The following LCOR variants were observed in gnomAD, a reference collection of about 807,000 sequenced individuals.
The protein encoded by LCOR is ligand dependent nuclear receptor corepressor, also known as ligand-dependent corepressor.
Under a neutral mutation model 64.4 loss-of-function variants are expected in LCOR, and 14 were observed. That is an observed-to-expected ratio of 0.22 (90% confidence interval 0.14 to 0.34). The LOEUF (loss-of-function observed/expected upper bound fraction) is 0.34. Ranked by LOEUF, LCOR falls within the 10% of genes least tolerant of loss-of-function variation. The pLI is 1.00. For synonymous variants in LCOR, 643 were observed against 642.5 expected (o/e 1.00, Z -0.01); for missense variants, 1,686 against 1,765.3 (o/e 0.96, Z 0.80).
At chr10:96,910,191 C>T (rs1469965994) in intron 4 of LCOR, among the ~76,000 whole-genome samples, 4 of 152,078 alleles carry the variant, frequency 2.6e-5, no homozygotes, top group Non-Finnish European at 4.4e-5. Context: ...TGCCACCATA[C>T]CCAGCTTGTG....
chr10:96,876,850 C>T (rs1183964127), intron 2 of LCOR, among the ~76,000 whole-genome samples: 2 of 152,102 alleles, frequency 1.3e-5, no homozygotes, highest in Admixed American at 1.3e-4. Context: ...CCTGTCACCA[C>T]ACCCGGCTAA....
At chr10:96,969,932 A>G (rs1347926662) in intron 7 of LCOR, among the ~76,000 whole-genome samples, 1 of 137,148 alleles carries the variant, frequency 7.3e-6, no homozygotes, top group Non-Finnish European at 1.5e-5. Flanking sequence ...GGCACCCGCC[A>G]TCACACCTGG....
At chr10:96,879,618 C>T (rs895214464) in intron 2 of LCOR, among the ~76,000 whole-genome samples, 11 of 152,268 alleles carry the variant, frequency 7.2e-5, no homozygotes, top group African/African-American at 2.4e-4. Flanking sequence ...TAATGGTTAT[C>T]TAAGTTGGAG....
chr10:96,832,416 ACCGCCGCCGCCCCTCCGGCCGCC>A lies in LCOR; in HGVS notation c.-404+27_-404+49del, dbSNP rs1845351010. ...ACTGTGTAGGTGAGACCCTCCGCCG[ACCGCCGCCGCCCCTCCGGCCGCC>A]CCGCCGCCGGTCGCCCCAGACCAGG... On this transcript the variant is annotated intron_variant, in intron 1 of 7. Coordinates refer to ENST00000421806, the MANE Select transcript of LCOR (RefSeq NM_001346516.2). 6.2e-6 allele frequency: 6 copies of A among 960,962 alleles called. No individual in the cohort carries two copies. The South Asian group carries it at 1.4e-4, about 23-fold the overall frequency. 59.5% of individuals were successfully genotyped at this position (960,962 alleles called of 1,614,324 possible).
intron 2 of LCOR, among the ~76,000 whole-genome samples, chr10:96,865,654 C>T (rs942059892): frequency 6.6e-6 from 1 of 152,084 alleles, no homozygotes; most frequent in Admixed American, 6.6e-5. Flanking sequence ...GTGGGCGGAT[C>T]ACCTGAGGTC....
chr10:96,833,507 C>G (rs1388025846), intron 2 of LCOR, 28 bp downstream of exon 2: 3 of 923,312 alleles, frequency 3.2e-6, no homozygotes, highest in Admixed American at 1.2e-4. Context: ...TGTCTCCGCT[C>G]CGCCCGCCGC....
At chr10:96,917,209 A>G (rs950597135) in intron 4 of LCOR, among the ~76,000 whole-genome samples, 2 of 152,200 alleles carry the variant, frequency 1.3e-5, no homozygotes, top group African/African-American at 4.8e-5. Context: ...GTTCAGTTTT[A>G]TGTGGTCAGA....
intron 2 of LCOR, among the ~76,000 whole-genome samples, chr10:96,889,728 A>G (rs1846407003): frequency 6.6e-6 from 1 of 152,172 alleles, no homozygotes; most frequent in South Asian, 2.1e-4. Context: ...AGTCCTTAAC[A>G]GTTCTTTTTT....
rs1464835712 is a variant in LCOR at position 96,983,856 on chromosome 10, A to C, written c.3396A>C (p.Gly1132=). 65 of 1,614,082 alleles carry C rather than the reference A, an allele frequency of 4.0e-5. No individual in the cohort carries two copies. The highest frequency in any genetic ancestry group is 5.4e-5 in the Non-Finnish European group (64 of 1,180,052). Residue 1132 remains glycine (G), a synonymous_variant, in exon 8 of 8, where the codon GGA becomes GGC. Transcript: ENST00000421806. The surrounding 1 kb of genome is among the most constrained non-coding windows in gnomAD (Gnocchi z 4.5). ...GCTGGATCCAGTTGGAGAAAGAAGG[A>C]CAGCCAACACCAAGAGCAAGGAACA... The part of the protein sequence containing the change: ...QKGWIQLEKE[G]QPTPRARNKS...
At position 96,949,036 on chromosome 10, in the gene LCOR, T is replaced by C. The variant is rs1172184059; in HGVS notation, c.-22T>C. ...GTCCCTGGGTCTCCGACCCCAATAT[T>C]CCCCTAGTGGCCCGTGAGATCATGC... On this transcript the variant is annotated 5_prime_UTR_variant, in exon 6 of 8. Transcript: ENST00000421806. 9.3e-6 allele frequency: 15 copies of C among 1,613,114 alleles called. No individual in the cohort carries two copies. Among genetic ancestry groups the C allele is most frequent in the Non-Finnish European group, 1.3e-5 (15 of 1,179,486 alleles).
intron 4 of LCOR, among the ~76,000 whole-genome samples, chr10:96,924,208 C>T (rs1847128106): frequency 1.3e-5 from 2 of 151,912 alleles, no homozygotes; most frequent in African/African-American, 4.8e-5. Flanking sequence ...TCTTTGTCCA[C>T]CTTACTTTTA....
chr10:96,935,804 AAGCCTGGG>A (rs1554838612), intron 4 of LCOR, among the ~76,000 whole-genome samples: 3 of 152,220 alleles, frequency 2.0e-5, no homozygotes, highest in Non-Finnish European at 4.4e-5. Context: ...CACTGCACTC[AAGCCTGGG>A]CAACAGAGCA....
At chr10:96,911,093 CT>C (rs71007308) in intron 4 of LCOR, among the ~76,000 whole-genome samples, 17,186 of 114,098 alleles carry the variant, frequency 0.15, 1,244 homozygotes, top group African/African-American at 0.32. Context: ...TACATGTTCC[CT>C]TTTTTTTTTT....
intron 2 of LCOR, among the ~76,000 whole-genome samples, chr10:96,854,598 A>G (rs1845772697): frequency 6.6e-6 from 1 of 152,198 alleles, no homozygotes; most frequent in Non-Finnish European, 1.5e-5. Flanking sequence ...AAGTGCTGGG[A>G]TTACAGGCTT....
chr10:96,940,151 G>T (rs1183292645), intron 4 of LCOR, among the ~76,000 whole-genome samples: 1 of 152,192 alleles, frequency 6.6e-6, no homozygotes, highest in African/African-American at 2.4e-5. Context: ...TCATGAGTAT[G>T]TGGAGAAGTC....
chr10:96,866,054 G>A (rs180699319), intron 2 of LCOR, among the ~76,000 whole-genome samples: 133 of 152,050 alleles, frequency 8.7e-4, no homozygotes, highest in African/African-American at 3.2e-3. Context: ...TTCTTTCTTT[G>A]TCAGACTTTT....
At chr10:96,910,083 G>C (rs1395300239) in intron 4 of LCOR, among the ~76,000 whole-genome samples, 1 of 152,056 alleles carries the variant, frequency 6.6e-6, no homozygotes, top group East Asian at 1.9e-4. Context: ...AATATTGTAT[G>C]AATTTTTTTT....
chr10:96,955,539 G>T, intron 7 of LCOR: 1 of 1,614,164 alleles, frequency 6.2e-7, no homozygotes, highest in Non-Finnish European at 8.5e-7. Flanking sequence ...CATGTTAGAT[G>T]CTGGACCCGA....
chr10:96,976,218 G>T (rs1469942960), intron 7 of LCOR, among the ~76,000 whole-genome samples: 1 of 152,124 alleles, frequency 6.6e-6, no homozygotes, highest in Admixed American at 6.5e-5. Context: ...TTCTCTGGAG[G>T]TTGCCATTTG....
Sources: allele counts gnomAD v4.1 joint callset (sites outside exome capture counted in the v4.1 genomes callset), GRCh38; gene constraint gnomAD v4.1.1; non-coding constraint Gnocchi (gnomAD v3.1); transcripts MANE v1.5; gene names NCBI Gene and HGNC (gene_info 2026-07-23, HGNC 2026-07-21).